The following IL17REL variants were observed in gnomAD, a reference collection of about 807,000 sequenced individuals.
The protein encoded by IL17REL is interleukin 17 receptor E like.
IL17REL carries 36 observed loss-of-function variants against 49.0 expected under a neutral mutation model. That is an observed-to-expected ratio of 0.73 (90% CI 0.56 to 0.97). The LOEUF (loss-of-function observed/expected upper bound fraction) is 0.97, where lower values mean the gene tolerates loss of function less well. Ranked by LOEUF, IL17REL falls within the 50% of genes least tolerant of loss-of-function variation. IL17REL has a pLI of 0.00. For synonymous variants in IL17REL, 206 were observed against 192.4 expected (o/e 1.07, Z -0.58); for missense variants, 470 against 453.9 (o/e 1.04, Z -0.32).
At chr22:49,997,960 C>T (rs2061047268) in intron 9 of IL17REL, 65 bp downstream of exon 11, 7 of 1,555,924 alleles carry the variant, frequency 4.5e-6, no homozygotes, top group South Asian at 1.1e-5. Flanking sequence ...CTGCCCCACT[C>T]CCCGCCCTGA....
Position 49,998,315 on chromosome 22 carries a change from G to A in IL17REL, c.602-6C>T. 1 of 1,595,174 alleles carries A rather than the reference G, an allele frequency of 6.3e-7. No homozygotes were observed. The highest frequency in any genetic ancestry group is 8.5e-7 in the Non-Finnish European group (1 of 1,171,422). On this transcript the variant is annotated splice_region_variant and splice_polypyrimidine_tract_variant and intron_variant, in intron 7 of 12. Coordinates refer to ENST00000341280, the Ensembl canonical transcript of IL17REL. ...CACCTCCAGTGCCTCAGTGTCTGCA[G>A]GAACCCTCCCCGAAACACAGGTCAG...
At chr22:50,002,514 T>G (rs1243617748) in intron 1 of IL17REL, among the ~76,000 whole-genome samples, 1 of 129,970 alleles carries the variant, frequency 7.7e-6, no homozygotes, top group African/African-American at 3.1e-5. Context: ...TTTTTTTTTT[T>G]GAGACAGTCC....
chr22:49,999,544 C>T (rs774159291), intron 5 of IL17REL, 42 bp from the exon 8 acceptor site: 4 of 605,728 alleles, frequency 6.6e-6, no homozygotes, highest in South Asian at 1.6e-5. Flanking sequence ...CGCGGGAGGG[C>T]GGGGGTGGTC....
At chr22:49,999,435 A>T in exon 6 of IL17REL, 1 of 1,612,230 alleles carries the variant, frequency 6.2e-7, no homozygotes, top group Non-Finnish European at 8.5e-7. Flanking sequence ...ACCGACCTCC[A>T]GGCACAGGCA....
rs1342290074 is a variant in IL17REL at position 49,999,291 on chromosome 22, C to A, written c.601G>T (p.Asp201Tyr). Residue 201 changes from aspartate (D) to tyrosine (Y), a missense_variant and splice_region_variant, in exon 7 of 13, where the codon GAC (aspartate) becomes TAC (tyrosine). Physicochemically the swap from Asp to Tyr is radical, Grantham distance 160 (BLOSUM62 -3). Transcript: ENST00000341280. ...CCCGTTGGCATCGCAGGACACTTGC[C>A]GTTTTCAAAGGGGCAGATCTGGATC... 1.9e-6 allele frequency: 3 copies of A among 1,612,854 alleles called. No homozygotes were observed. In the African/African-American group the frequency reaches 4.0e-5, roughly 22 times the overall value.
intron 1 of IL17REL, among the ~76,000 whole-genome samples, chr22:50,005,367 A>G (rs973768876): frequency 4.6e-5 from 7 of 152,282 alleles, no homozygotes; most frequent in African/African-American, 7.2e-5. Context: ...TGCTTGCTTC[A>G]GGAAGGAGAA....
chr22:49,993,570 C>T (rs2061016823), downstream of IL17REL, among the ~76,000 whole-genome samples: 1 of 152,210 alleles, frequency 6.6e-6, no homozygotes, highest in Admixed American at 6.5e-5. This position sits in a 1 kb window ranked among gnomAD's most constrained non-coding sequence, Gnocchi z 6.0. Context: ...CGCGTGTGTC[C>T]TCCAGCAGGT....
chr22:49,998,511 C>T lies in IL17REL; in HGVS notation c.602-202G>A, dbSNP rs542183473. On this transcript the variant is annotated intron_variant, in intron 7 of 12. Coordinates refer to ENST00000341280, the Ensembl canonical transcript of IL17REL. ...GGATATGCATGTGCATGGGTGCGTG[C>T]GCCTATGTGTGTGCCTGTGCATGGG... Among the ~76,000 whole-genome samples, 15 of 144,896 alleles carry T rather than the reference C, an allele frequency of 1.0e-4. No individual in the cohort carries two copies. In the South Asian group the frequency reaches 2.9e-3, roughly 28 times the overall value.
chr22:49,999,420 C>G lies in IL17REL; in HGVS notation c.546+11G>C. 5 of 1,612,478 alleles carry G rather than the reference C, an allele frequency of 3.1e-6. No homozygotes were observed. The highest frequency in any genetic ancestry group is 4.2e-6 in the Non-Finnish European group (5 of 1,179,814). The stretch of plus-strand genomic sequence containing the variant: ...TCACCCGCCCCAAGTCCAGGCCACA[C>G]CTCCACCGACCTCCAGGCACAGGCA... On this transcript the variant is annotated intron_variant, in intron 6 of 12. Transcript: ENST00000341280.
chr22:49,995,876 C>G (rs1046394561), exon 13 of IL17REL: 4 of 152,484 alleles, frequency 2.6e-5, no homozygotes, highest in African/African-American at 9.7e-5. Context: ...CAGGCCTGTC[C>G]CTGGGGCCGT....
chr22:50,000,907 G>T, intron 2 of IL17REL, 44 bp from the exon 4 acceptor site: 2 of 1,435,082 alleles, frequency 1.4e-6, no homozygotes, highest in South Asian at 1.4e-5. Flanking sequence ...GAGCAGGGCC[G>T]CCCCTGGCTC....
chr22:50,005,599 C>T (rs964203925), intron 1 of IL17REL, among the ~76,000 whole-genome samples: 4 of 152,070 alleles, frequency 2.6e-5, no homozygotes, highest in Non-Finnish European at 2.9e-5. Context: ...GTCAGGAGTT[C>T]GAGACCAGCC....
At position 49,998,326 on chromosome 22, in the gene IL17REL, C is replaced by G; in HGVS notation, c.602-17G>C. On this transcript the variant is annotated splice_polypyrimidine_tract_variant and intron_variant, in intron 7 of 12. Coordinates refer to ENST00000341280, the Ensembl canonical transcript of IL17REL. ...CCTCAGTGTCTGCAGGAACCCTCCCCGAAACACAGGTCAGTTGGGCCCTAC... is the reference window on the plus strand; with the variant it reads ...CCTCAGTGTCTGCAGGAACCCTCCCGGAAACACAGGTCAGTTGGGCCCTAC... 1 of 1,584,840 alleles carries G rather than the reference C, an allele frequency of 6.3e-7. No homozygotes were observed. Among genetic ancestry groups the G allele is most frequent in the African/African-American group, 1.3e-5 (1 of 74,364 alleles).
upstream of IL17REL, chr22:50,012,609 G>C (rs1287458098): frequency 6.6e-6 from 1 of 152,330 alleles, no homozygotes; most frequent in East Asian, 1.9e-4. Context: ...AGTGCCCCAG[G>C]TCAGGCCCAA....
rs749758072 is a variant in IL17REL at position 50,001,102 on chromosome 22, C to T, written c.89G>A (p.Arg30His). Residue 30 changes from arginine (R) to histidine (H), a missense_variant, in exon 2 of 13, where the codon CGC becomes CAC. Coordinates refer to ENST00000341280, the Ensembl canonical transcript of IL17REL. ...CTCACCATGCAGGGTGATGGAGGCGCGTACACGCAGGAGCATCGCGCAGCC... is the reference window on the plus strand; with the variant it reads ...CTCACCATGCAGGGTGATGGAGGCGTGTACACGCAGGAGCATCGCGCAGCC... 1.2e-4 allele frequency: 194 copies of T among 1,594,570 alleles called. No individual in the cohort carries two copies. Among genetic ancestry groups the T allele is most frequent in the Middle Eastern group, 1.7e-4 (1 of 6,048 alleles).
chr22:50,001,042 C>A (rs1601888509), intron 2 of IL17REL, 40 bp downstream of exon 3: 1 of 1,469,970 alleles, frequency 6.8e-7, no homozygotes. Flanking sequence ...CACTGCTGGA[C>A]CTGCGGGTGT....
At chr22:49,998,708 C>T (rs1569208631) in intron 7 of IL17REL, among the ~76,000 whole-genome samples, 2 of 137,134 alleles carry the variant, frequency 1.5e-5, no homozygotes, top group Admixed American at 7.2e-5. Flanking sequence ...GGTGTGTGTG[C>T]ATGTGTACGT....
chr22:50,000,709 C>A (rs1295592158), intron 3 of IL17REL, 45 bp downstream of exon 4: 4 of 1,548,722 alleles, frequency 2.6e-6, no homozygotes, highest in Non-Finnish European at 1.8e-6. Flanking sequence ...AGGAGTGGCG[C>A]CCAGTCTTCG....
chr22:49,998,754 C>T (rs181553190), intron 7 of IL17REL, among the ~76,000 whole-genome samples: 50 of 144,002 alleles, frequency 3.5e-4, no homozygotes, highest in African/African-American at 1.3e-3. Flanking sequence ...TGCATGGGTG[C>T]GTGTGCATGG....
Sources: allele counts gnomAD v4.1 joint callset (sites outside exome capture counted in the v4.1 genomes callset), GRCh38; gene constraint gnomAD v4.1.1; non-coding constraint Gnocchi (gnomAD v3.1); transcripts MANE v1.5; gene names NCBI Gene and HGNC (gene_info 2026-07-23, HGNC 2026-07-21).